The following VWA8 variants were observed in gnomAD, a reference collection of about 807,000 sequenced individuals.
The protein encoded by VWA8 is von Willebrand factor A domain containing 8.
A neutral mutation model predicts 241.5 loss-of-function variants in VWA8; 221 were observed. The ratio of observed to expected loss-of-function variants is 0.91; its 90% confidence interval spans 0.82 to 1.02. The LOEUF (loss-of-function observed/expected upper bound fraction) is 1.02, where lower values mean the gene tolerates loss of function less well. Among genes scored for constraint, VWA8 ranks in the 50% least tolerant of loss-of-function variants. The pLI, the probability that VWA8 is intolerant of heterozygous loss-of-function variation, is 0.00. For synonymous variants in VWA8, 852 were observed against 827.1 expected (o/e 1.03, Z -0.52); for missense variants, 2,322 against 2,328.7 (o/e 1.00, Z 0.06).
At chr13:41,803,505 G>A (rs774711636) in intron 17 of VWA8, among the ~76,000 whole-genome samples, 50 of 152,144 alleles carry the variant, frequency 3.3e-4, no homozygotes, top group Non-Finnish European at 6.2e-4. Flanking sequence ...GTGAAAGCAC[G>A]TCTCACATGG....
rs558855431 is a variant in VWA8, at chr13:41,728,598, A to ATTC, written c.2638+941_2638+943dup. 9.2e-5 allele frequency among the ~76,000 whole-genome samples: 14 copies of ATTC among 152,076 alleles called. No homozygotes were observed. The South Asian group carries it at 2.9e-3, about 31-fold the overall frequency. ...ATAATGCCTCATAAGGGCAGGCAGA[A>ATTC]TTCTGAGGGTCTGAATGATCTTTTT... is the stretch of plus-strand genomic sequence containing the variant. On this transcript the variant is annotated intron_variant, in intron 23 of 44. Transcript: ENST00000379310.
chr13:41,685,182 C>G lies in VWA8; in HGVS notation c.4192G>C (p.Asp1398His), dbSNP rs182336666. 3 of 1,613,458 alleles carry G rather than the reference C, an allele frequency of 1.9e-6. No individual in the cohort carries two copies. The East Asian group carries it at 6.7e-5, about 36-fold the overall frequency. Residue 1398 changes from aspartate (D) to histidine (H), a missense_variant, in exon 35 of 45, where the codon GAT becomes CAT. By Grantham distance (81) the Asp-to-His change is moderately conservative (BLOSUM62 -1). Transcript: ENST00000379310. The stretch of plus-strand genomic sequence containing the variant: ...TTCTTTCCTCTATAGAATGATGTAT[C>G]AGTGCCACTTCGTTTATGCAAAGAT... ...PSSLHKRSGT[D>H]TSFYRGKKKR...
chr13:41,611,539 G>C, intron 39 of VWA8, 37 bp downstream of exon 39: 1 of 1,607,684 alleles, frequency 6.2e-7, no homozygotes, highest in Non-Finnish European at 8.5e-7. Context: ...TTTCACCATA[G>C]CAGTAGTGCT....
Position 41,960,924 on chromosome 13 carries a change from T to C in VWA8, c.92A>G (p.Gln31Arg), listed in dbSNP as rs1413128428. 2 of 1,495,148 alleles carry C rather than the reference T, an allele frequency of 1.3e-6. No individual in the cohort carries two copies. Among genetic ancestry groups the C allele is most frequent in the African/African-American group, 1.5e-5 (1 of 68,648 alleles). 92.6% of individuals were successfully genotyped at this position (1,495,148 alleles called of 1,614,324 possible). A position where few individuals can be genotyped will look rare whatever the true frequency, so the allele number is the denominator to read the frequency against. ...CTGCCTGTCGCCACCCGGCCTGCGC[T>C]GCACCACCTGCCGCAGGAGCAGCCG... ...RMRLLLRQVV[Q>R]RRPGGDRQRP... Residue 31 changes from glutamine (Q) to arginine (R), a missense_variant, in exon 1 of 45, where the codon CAG becomes CGG. Physicochemically the swap from Gln to Arg is conservative, Grantham distance 43. Transcript: ENST00000379310.
intron 20 of VWA8, among the ~76,000 whole-genome samples, chr13:41,769,424 T>C (rs571450244): frequency 1.3e-3 from 202 of 152,324 alleles, no homozygotes; most frequent in African/African-American, 4.7e-3. Context: ...ATAGACAAAA[T>C]GCTTATTAAT....
intron 37 of VWA8, among the ~76,000 whole-genome samples, chr13:41,649,030 A>G (rs2044851443): frequency 6.6e-6 from 1 of 151,940 alleles, no homozygotes; most frequent in Middle Eastern, 3.2e-3. Flanking sequence ...CTAAAAATCC[A>G]AAAAGTAGCT....
At chr13:41,918,154 AGAT>A (rs1305294120) in intron 2 of VWA8, among the ~76,000 whole-genome samples, 2 of 152,242 alleles carry the variant, frequency 1.3e-5, no homozygotes, top group Non-Finnish European at 2.9e-5. Context: ...AAGAATACAA[AGAT>A]GAATAAAATA....
chr13:41,865,337 ACTAG>A (rs1395997674), intron 12 of VWA8: 2 of 391,546 alleles, frequency 5.1e-6, no homozygotes, highest in Non-Finnish European at 1.0e-5. Flanking sequence ...ATTATTAACT[ACTAG>A]CTATTTTAAA....
At chr13:41,593,715 G>C (rs563107292) in intron 40 of VWA8, among the ~76,000 whole-genome samples, 1 of 152,310 alleles carries the variant, frequency 6.6e-6, no homozygotes, top group South Asian at 2.1e-4. Flanking sequence ...AACTCTTGGA[G>C]GTACCAAGCT....
At chr13:41,664,830 T>G (rs1267889336) in intron 37 of VWA8, among the ~76,000 whole-genome samples, 2 of 152,278 alleles carry the variant, frequency 1.3e-5, no homozygotes, top group Admixed American at 6.5e-5. Flanking sequence ...TTGCTGTTGT[T>G]GTTGTTTTCC....
In VWA8 at chr13:41,942,807, G is replaced by C. The variant is rs2138154245; in HGVS notation, c.241+7129C>G. Among the ~76,000 whole-genome samples the C allele has an allele frequency of 2.0e-5, 3 of 152,314 alleles. No homozygotes were observed. In the South Asian group the frequency reaches 6.2e-4, roughly 32 times the overall value. On this transcript the variant is annotated intron_variant, in intron 2 of 44. Transcript: ENST00000379310. ...TAGGCACTCCAGGTCTTTATCCAGTGCAAGACAGCAGTTCCTTAAGGATGG... is the reference window on the plus strand; with the variant it reads ...TAGGCACTCCAGGTCTTTATCCAGTCCAAGACAGCAGTTCCTTAAGGATGG...
chr13:41,854,621 T>C (rs758969263), intron 12 of VWA8, among the ~76,000 whole-genome samples: 10 of 152,104 alleles, frequency 6.6e-5, no homozygotes, highest in African/African-American at 2.2e-4. Context: ...TTCTAAGTGA[T>C]AAAGTCTTAT....
chr13:41,673,143 T>C (rs2045037017), intron 36 of VWA8, among the ~76,000 whole-genome samples: 1 of 152,238 alleles, frequency 6.6e-6, no homozygotes, highest in Admixed American at 6.5e-5. Flanking sequence ...CATAGAATTA[T>C]AGTAGAGTGA....
intron 43 of VWA8, among the ~76,000 whole-genome samples, chr13:41,573,506 T>TATATATACAC (rs1439940851): frequency 1.4e-3 from 201 of 141,606 alleles, no homozygotes; most frequent in African/African-American, 5.2e-3. Flanking sequence ...TATATATATA[T>TATATATACAC]ACCTCTCTCT....
chr13:41,922,750 A>C (rs1876615932), intron 2 of VWA8, among the ~76,000 whole-genome samples: 1 of 152,250 alleles, frequency 6.6e-6, no homozygotes, highest in Non-Finnish European at 1.5e-5. Flanking sequence ...ATCTCACACC[A>C]GTTAGAATGG....
At chr13:41,573,486 A>AAAATAAATAAAT in intron 43 of VWA8, among the ~76,000 whole-genome samples, 2 of 113,610 alleles carry the variant, frequency 1.8e-5, no homozygotes, top group Non-Finnish European at 3.5e-5. Flanking sequence ...AAAAAAAAAA[A>AAAATAAATAAAT]ATATATATAT....
chr13:41,614,008 C>T (rs1218120520), intron 38 of VWA8, among the ~76,000 whole-genome samples: 1 of 152,182 alleles, frequency 6.6e-6, no homozygotes, highest in African/African-American at 2.4e-5. Context: ...CCAGAGTAGT[C>T]CACTGCTGGG....
At chr13:41,589,709 T>C (rs1467298914) in intron 41 of VWA8, among the ~76,000 whole-genome samples, 1 of 152,172 alleles carries the variant, frequency 6.6e-6, no homozygotes, top group Non-Finnish European at 1.5e-5. Flanking sequence ...ACTGAACTCA[T>C]ATCACAGGAA....
chr13:41,592,517 T>C (rs552254707), intron 40 of VWA8, among the ~76,000 whole-genome samples: 1 of 151,146 alleles, frequency 6.6e-6, no homozygotes, highest in Non-Finnish European at 1.5e-5. Context: ...TCAGGAAGCA[T>C]TGACACCAAG....
Sources: allele counts gnomAD v4.1 joint callset (sites outside exome capture counted in the v4.1 genomes callset), GRCh38; gene constraint gnomAD v4.1.1; transcripts MANE v1.5; gene names NCBI Gene and HGNC (gene_info 2026-07-23, HGNC 2026-07-21).